Variants in SEC24B observed in about 807,000 individuals in gnomAD.
The protein encoded by SEC24B is SEC24 homolog B, COPII component.
Under a neutral mutation model 142.8 loss-of-function variants are expected in SEC24B, and 45 were observed. That is an observed-to-expected ratio of 0.32 (90% CI 0.25 to 0.40). The LOEUF is 0.40. Ranked by LOEUF, SEC24B falls within the 10% of genes least tolerant of loss-of-function variation. SEC24B has a pLI of 1.00. For missense variants in SEC24B, 1,409 were observed against 1,526.8 expected (o/e 0.92, Z 1.29); for synonymous variants, 574 against 568.2 (o/e 1.01, Z -0.15).
At chr4:109,480,517 C>G (rs1446867086) in intron 3 of SEC24B, among the ~76,000 whole-genome samples, 1 of 151,974 alleles carries the variant, frequency 6.6e-6, no homozygotes, top group African/African-American at 2.4e-5. Flanking sequence ...GAGTCTTGCT[C>G]TGTCACCAGG....
intron 6 of SEC24B, among the ~76,000 whole-genome samples, chr4:109,496,897 T>G (rs1008418945): frequency 2.0e-5 from 3 of 150,490 alleles, no homozygotes. Context: ...TAACATATTA[T>G]TTACTTAGAA....
At chr4:109,462,767 C>T (rs1731406212) in intron 1 of SEC24B, 134 bp from the exon 2 acceptor site, 1 of 720,666 alleles carries the variant, frequency 1.4e-6, no homozygotes, top group African/African-American at 1.8e-5. Flanking sequence ...CATAATGGGT[C>T]TATAACAGTG....
At chr4:109,504,935 T>G (rs1231192136) in intron 6 of SEC24B, among the ~76,000 whole-genome samples, 1 of 152,004 alleles carries the variant, frequency 6.6e-6, no homozygotes, top group African/African-American at 2.4e-5. Context: ...ATGCAGAAGG[T>G]ATAGACATAG....
chr4:109,521,082 C>T (rs373286728), intron 12 of SEC24B, 35 bp from the exon 13 acceptor site: 121 of 1,289,122 alleles, frequency 9.4e-5, no homozygotes, highest in South Asian at 2.8e-4. Context: ...TTCTTTTGTT[C>T]GATTTGTTGA....
chr4:109,469,793 C>T (rs1345041506), intron 2 of SEC24B, among the ~76,000 whole-genome samples: 3 of 151,952 alleles, frequency 2.0e-5, no homozygotes, highest in East Asian at 1.9e-4. Flanking sequence ...ACATGATAAA[C>T]GCAACTCATT....
intron 6 of SEC24B, among the ~76,000 whole-genome samples, chr4:109,504,009 T>G (rs1166379342): frequency 1.3e-5 from 2 of 152,280 alleles, no homozygotes; most frequent in Non-Finnish European, 1.5e-5. Context: ...CATGTGATCA[T>G]TTTTCTGATT....
intron 1 of SEC24B, among the ~76,000 whole-genome samples, chr4:109,434,344 A>G (rs1728181766): frequency 1.3e-5 from 2 of 152,146 alleles, no homozygotes; most frequent in African/African-American, 2.4e-5. Flanking sequence ...CCCACGTAGT[A>G]AAACCCAGTT....
intron 1 of SEC24B, among the ~76,000 whole-genome samples, chr4:109,453,713 G>A (rs181139100): frequency 1.9e-4 from 29 of 152,210 alleles, no homozygotes; most frequent in Middle Eastern, 6.8e-3. Context: ...GTCCTGAGGC[G>A]ACATACATCC....
intron 4 of SEC24B, among the ~76,000 whole-genome samples, chr4:109,485,075 GACTTTTC>G (rs1469084893): frequency 6.6e-6 from 1 of 152,024 alleles, no homozygotes; most frequent in Non-Finnish European, 1.5e-5. Flanking sequence ...CTCACATCCC[GACTTTTC>G]ACTTTCTAGC....
intron 5 of SEC24B, among the ~76,000 whole-genome samples, chr4:109,492,441 A>G (rs1287982640): frequency 6.6e-6 from 1 of 152,182 alleles, no homozygotes; most frequent in Non-Finnish European, 1.5e-5. Flanking sequence ...TGAGCTCTAG[A>G]TTAATGTGAA....
chr4:109,483,236 C>T (rs866780171), intron 4 of SEC24B, among the ~76,000 whole-genome samples: 2 of 150,990 alleles, frequency 1.3e-5, no homozygotes, highest in African/African-American at 4.9e-5. Context: ...CCCGCCACCA[C>T]GCCTGGCTAA....
At chr4:109,524,679 G>A (rs34224638) in intron 14 of SEC24B, 139 bp from the exon 15 acceptor site, 92,716 of 592,106 alleles carry the variant, frequency 0.16, 8,119 homozygotes, top group African/African-American at 0.27. Flanking sequence ...TTATCATAGG[G>A]AATCTGCACC....
chr4:109,493,664 T>C (rs1199970621), intron 5 of SEC24B, among the ~76,000 whole-genome samples: 1 of 151,536 alleles, frequency 6.6e-6, no homozygotes, highest in Admixed American at 6.6e-5. Context: ...AGTCTCGCCC[T>C]GTGGCCCAGG....
At chr4:109,460,834 C>A (rs1328398901) in intron 1 of SEC24B, among the ~76,000 whole-genome samples, 2 of 151,100 alleles carry the variant, frequency 1.3e-5, no homozygotes, top group African/African-American at 4.9e-5. Flanking sequence ...TAAATATATG[C>A]TATACTTATC....
At position 109,473,182 on chromosome 4, in the gene SEC24B, A is replaced by G. The variant is rs1732715130; in HGVS notation, c.1056A>G (p.Gln352=). The change falls in exon 3 of 24, where the codon CAA becomes CAG. Residue 352 remains glutamine, a synonymous_variant. Coordinates refer to ENST00000265175, the MANE Select transcript of SEC24B (RefSeq NM_006323.5). The stretch of plus-strand genomic sequence containing the variant: ...CACAGCCATCAGAGCTATTACAACA[A>G]AAAGGTATTTGAGATATTTATTATT... ...SVTQPSELLQ[Q]KGVQYGEYVN... The G allele has an allele frequency of 6.4e-7, 1 of 1,563,478 alleles. No homozygotes were observed. The highest frequency in any genetic ancestry group is 1.4e-5 in the African/African-American group (1 of 72,618).
intron 9 of SEC24B, 60 bp from the exon 10 acceptor site, chr4:109,513,687 G>T (rs1737628470): frequency 1.1e-6 from 1 of 879,118 alleles, no homozygotes; most frequent in Non-Finnish European, 1.9e-6. Context: ...TTTTAGGTGT[G>T]TATATATGTG....
chr4:109,458,549 T>C (rs1279734371), intron 1 of SEC24B, among the ~76,000 whole-genome samples: 1 of 152,170 alleles, frequency 6.6e-6, no homozygotes, highest in Admixed American at 6.5e-5. Flanking sequence ...ATTTATTAGG[T>C]GGTTTATGTT....
chr4:109,514,169 A>G (rs1737681602), intron 10 of SEC24B, among the ~76,000 whole-genome samples: 2 of 152,114 alleles, frequency 1.3e-5, no homozygotes, highest in South Asian at 4.1e-4. Context: ...AACATTTAAG[A>G]CTCTCAAAAC....
In SEC24B at chr4:109,481,679, G is replaced by C. The variant is rs751535639; in HGVS notation, c.1063G>C (p.Val355Leu). ...TGTTTGTGCTTTCCACTTTACAGGC[G>C]TGCAGTATGGTGAATATGTTAATAA... ...QPSELLQQKG[V>L]QYGEYVNNQA... The change falls in exon 4 of 24, where the codon GTG becomes CTG. Residue 355 changes from valine to leucine, a missense_variant and splice_region_variant. Around this residue, in one of 2 missense-constraint regions of SEC24B, gnomAD observed 709 missense variants for 673.5 expected, o/e 1.05. Transcript: ENST00000265175. 6.2e-7 allele frequency: 1 copy of C among 1,608,140 alleles called. No individual in the cohort carries two copies. Among genetic ancestry groups the C allele is most frequent in the Non-Finnish European group, 8.5e-7 (1 of 1,176,132 alleles).
Sources: allele counts gnomAD v4.1 joint callset (sites outside exome capture counted in the v4.1 genomes callset), GRCh38; gene constraint gnomAD v4.1.1; regional missense constraint gnomAD v4.1.1; transcripts MANE v1.5; gene names NCBI Gene and HGNC (gene_info 2026-07-23, HGNC 2026-07-21).